Variants in LRRC63 observed in about 807,000 individuals in gnomAD.
LRRC63 encodes leucine-rich repeat-containing protein 63.
LRRC63 carries 40 observed loss-of-function variants against 49.5 expected under a neutral mutation model. That is an observed-to-expected ratio of 0.81 (90% confidence interval 0.63 to 1.05). The LOEUF is 1.05. LRRC63 is among the 50% of genes least tolerant of loss of function. The probability of loss-of-function intolerance (pLI) is 0.00; values close to 1 mark genes in which losing one functional copy is unlikely to be tolerated. For missense variants in LRRC63, 636 were observed against 663.1 expected, an observed-to-expected ratio of 0.96 and a Z score of 0.45; for synonymous variants, 191 against 221.1, an observed-to-expected ratio of 0.86 and a Z score of 1.21.
intron 2 of LRRC63, among the ~76,000 whole-genome samples, chr13:46,217,432 T>C (rs1252501614): frequency 3.3e-5 from 5 of 152,228 alleles, no homozygotes; most frequent in Admixed American, 1.3e-4. Context: ...TGGTAGTTTG[T>C]ATTTCTGTGG....
At chr13:46,223,890 A>G (rs1339577906) in intron 2 of LRRC63, among the ~76,000 whole-genome samples, 1 of 152,116 alleles carries the variant, frequency 6.6e-6, no homozygotes, top group Non-Finnish European at 1.5e-5. Context: ...ACAAAAAACA[A>G]AAAAAACCCA....
chr13:46,270,492 C>G (rs17067933), intron 9 of LRRC63: 1 of 783,612 alleles, frequency 1.3e-6, no homozygotes, highest in Admixed American at 1.7e-5. Flanking sequence ...AAAGCCATCA[C>G]TGAAGGCTAC....
At chr13:46,276,691 T>G in exon 10 of LRRC63, 10 of 1,230,502 alleles carry the variant, frequency 8.1e-6, no homozygotes, top group Non-Finnish European at 9.1e-6. Context: ...CCAGTTATGT[T>G]TTATGTCTGT....
At chr13:46,268,823 C>G (rs1374237165) in intron 9 of LRRC63, among the ~76,000 whole-genome samples, 1 of 148,366 alleles carries the variant, frequency 6.7e-6, no homozygotes, top group African/African-American at 2.6e-5. Context: ...AACATGATCT[C>G]TATGAAATAA....
Position 46,229,330 on chromosome 13 carries a change from G to A in LRRC63, c.832+597G>A, listed in dbSNP as rs1330000150. ...CTTACCAAAATCAACTATTAAAGCTGCCAAAAATATATAAAGTAGCTATTG... is the reference window on the plus strand; with the variant it reads ...CTTACCAAAATCAACTATTAAAGCTACCAAAAATATATAAAGTAGCTATTG... On this transcript the variant is annotated intron_variant, in intron 4 of 9. Transcript: ENST00000595396. Among the ~76,000 whole-genome samples, 13 of 152,144 alleles carry A rather than the reference G, an allele frequency of 8.5e-5. No homozygotes were observed. In the East Asian group the frequency reaches 2.3e-3, roughly 27 times the overall value.
At position 46,270,148 on chromosome 13, in the gene LRRC63, C is replaced by G; in HGVS notation, c.1550+3176C>G. 27 of 722,756 alleles carry G rather than the reference C, an allele frequency of 3.7e-5. No homozygotes were observed. The South Asian group carries it at 4.0e-4, about 11-fold the overall frequency. The allele number at this position is 722,756 out of a possible 1,614,324, so 44.8% of individuals were successfully genotyped here. On this transcript the variant is annotated intron_variant, in intron 9 of 9. Transcript: ENST00000595396. Reference sequence around the variant, plus strand: ...TGGATCAATACTTCACTCGCTGGTACAAAGCAGATGTCAAAGGAAGATCTT... The same window carrying G: ...TGGATCAATACTTCACTCGCTGGTAGAAAGCAGATGTCAAAGGAAGATCTT...
chr13:46,272,852 A>G (rs143220669), intron 9 of LRRC63, among the ~76,000 whole-genome samples: 314 of 152,340 alleles, frequency 2.1e-3, no homozygotes, highest in Non-Finnish European at 3.6e-3. Context: ...ACACATACAT[A>G]CACAGTGAGG....
chr13:46,232,031 G>A (rs1352741317), intron 4 of LRRC63, among the ~76,000 whole-genome samples: 1 of 149,738 alleles, frequency 6.7e-6, no homozygotes, highest in Middle Eastern at 3.4e-3. Flanking sequence ...TAGCTAGGAT[G>A]GTCTTGATCT....
chr13:46,267,912 A>G (rs1456717417), intron 9 of LRRC63, among the ~76,000 whole-genome samples: 1 of 152,210 alleles, frequency 6.6e-6, no homozygotes, highest in Non-Finnish European at 1.5e-5. Context: ...TGGACCCCAA[A>G]AGAGGCTAAA....
intron 7 of LRRC63, among the ~76,000 whole-genome samples, chr13:46,260,677 AC>A (rs1348162495): frequency 6.6e-6 from 1 of 152,214 alleles, no homozygotes; most frequent in East Asian, 1.9e-4. Flanking sequence ...CTGAGCCAAG[AC>A]AAAAAATGAA....
chr13:46,261,523 C>T (rs1804686477), intron 7 of LRRC63, among the ~76,000 whole-genome samples: 4 of 152,162 alleles, frequency 2.6e-5, no homozygotes, highest in Admixed American at 2.6e-4. Context: ...TGAAGGGAAC[C>T]AGCCCTGCTA....
At chr13:46,269,212 G>GA (rs10674085) in intron 9 of LRRC63, among the ~76,000 whole-genome samples, 38,542 of 143,122 alleles carry the variant, frequency 0.27, 5,534 homozygotes, top group East Asian at 0.36. Context: ...AAATAAATCT[G>GA]AAAAAAAAAA....
At chr13:46,275,825 A>G (rs1360743156) in intron 9 of LRRC63, among the ~76,000 whole-genome samples, 2 of 151,916 alleles carry the variant, frequency 1.3e-5, no homozygotes, top group African/African-American at 2.4e-5. Context: ...GTCTATTTTT[A>G]TTTTTGTTGC....
Position 46,214,636 on chromosome 13 carries a change from T to C in LRRC63, c.85+1517T>C, listed in dbSNP as rs192657845. ...CATAGTAGGTGATCAAAATTTGTTT[T>C]TTTATTTCTTCTAAAAAAAAAAAAA... On this transcript the variant is annotated intron_variant, in intron 2 of 9. Coordinates refer to ENST00000595396, the Ensembl canonical transcript of LRRC63. Among the ~76,000 whole-genome samples, 7 of 152,044 alleles carry C rather than the reference T, an allele frequency of 4.6e-5. No homozygotes were observed. In the East Asian group the frequency reaches 1.4e-3, roughly 29 times the overall value.
At chr13:46,258,637 A>G (rs188337942) in intron 7 of LRRC63, among the ~76,000 whole-genome samples, 3,488 of 149,904 alleles carry the variant, frequency 0.023, 65 homozygotes, top group Middle Eastern at 0.069. Flanking sequence ...GTGAAACCCC[A>G]TCTCTACTAA....
chr13:46,244,257 CT>C (rs149432447), intron 5 of LRRC63, among the ~76,000 whole-genome samples: 1 of 151,160 alleles, frequency 6.6e-6, no homozygotes, highest in Non-Finnish European at 1.5e-5. Flanking sequence ...TTGTAAGGTT[CT>C]TTTTTTTTCT....
In LRRC63 at chr13:46,266,713, G is replaced by A; in HGVS notation, c.1311-20G>A. 1.3e-6 allele frequency: 2 copies of A among 1,513,670 alleles called. No individual in the cohort carries two copies. Among genetic ancestry groups the A allele is most frequent in the Middle Eastern group, 1.7e-4 (1 of 5,742 alleles). 93.8% of individuals were successfully genotyped at this position (1,513,670 alleles called of 1,614,324 possible). ...TGAATTGTATAATACCTTTTAAAGT[G>A]TGGTTTCCTTTATTTACAGATCACT... On this transcript the variant is annotated intron_variant, in intron 8 of 9. Transcript: ENST00000595396.
intron 2 of LRRC63, among the ~76,000 whole-genome samples, chr13:46,215,227 C>T (rs1433514810): frequency 1.3e-5 from 2 of 152,192 alleles, no homozygotes; most frequent in Non-Finnish European, 2.9e-5. Flanking sequence ...ACATTCCCAC[C>T]AACAGTGTAA....
intron 5 of LRRC63, among the ~76,000 whole-genome samples, chr13:46,239,065 A>G (rs559239011): frequency 2.0e-5 from 3 of 152,308 alleles, no homozygotes; most frequent in East Asian, 3.9e-4. Flanking sequence ...CCTAACATCA[A>G]AACCAAAAGA....
Sources: allele counts gnomAD v4.1 joint callset (sites outside exome capture counted in the v4.1 genomes callset), GRCh38; gene constraint gnomAD v4.1.1; transcripts MANE v1.5; gene names NCBI Gene and HGNC (gene_info 2026-07-23, HGNC 2026-07-21).